Variants in TCN2 observed in about 807,000 individuals in gnomAD.
TCN2 encodes transcobalamin 2, also known as transcobalamin-2.
TCN2 carries 34 observed loss-of-function variants against 48.6 expected under a neutral mutation model. That is an observed-to-expected ratio of 0.70 (90% CI 0.53 to 0.93). The LOEUF (loss-of-function observed/expected upper bound fraction) is 0.93. TCN2 is among the 40% of genes least tolerant of loss of function. TCN2 has a pLI of 0.00. For synonymous variants in TCN2, 283 were observed against 212.5 expected (o/e 1.33, Z -2.89); for missense variants, 652 against 526.1 (o/e 1.24, Z -2.34).
rs1555896276 is a variant in TCN2 at position 30,623,921 on chromosome 22, TATATGTATACATATATACACACACAC to T, written c.1222+864_1222+889del. Among the ~76,000 whole-genome samples, 8 of 23,358 alleles carry T rather than the reference TATATGTATACATATATACACACACAC, an allele frequency of 3.4e-4. 1 individual carries two copies. The South Asian group carries it at 4.1e-3, about 12-fold the overall frequency. The allele number at this position is 23,358 out of a possible 152,430, so 15.3% of individuals were successfully genotyped here. ...ATGTATACATATATATACACACATA[TATATGTATACATATATACACACACAC>T]ATATGTATACATATATACACACACA... On this transcript the variant is annotated intron_variant, in intron 8 of 8. Coordinates refer to ENST00000215838, the MANE Select transcript of TCN2 (RefSeq NM_000355.4).
chr22:30,609,044 A>G (rs2087496854), intron 1 of TCN2, among the ~76,000 whole-genome samples: 1 of 152,152 alleles, frequency 6.6e-6, no homozygotes, highest in Middle Eastern at 3.4e-3. Context: ...GAAGGATCCC[A>G]TGACACCTGC....
In TCN2 at chr22:30,615,099, A is replaced by G. The variant is rs543011048; in HGVS notation, c.581-202A>G. On this transcript the variant is annotated intron_variant, in intron 4 of 8. Transcript: ENST00000215838. ...CCAGAAATGAGCAGTTTCCTGGGAC[A>G]CAGGATTTTCAGAGTCCAGACAAGG... is the stretch of plus-strand genomic sequence containing the variant. 3.3e-5 allele frequency among the ~76,000 whole-genome samples: 5 copies of G among 152,258 alleles called. No homozygotes were observed. The South Asian group carries it at 6.2e-4, about 19-fold the overall frequency.
chr22:30,614,359 C>T lies in TCN2; in HGVS notation c.438C>T (p.His146=), dbSNP rs2087581569. 1 of 1,614,026 alleles carries T rather than the reference C, an allele frequency of 6.2e-7. No homozygotes were observed. The highest frequency in any genetic ancestry group is 8.5e-7 in the Non-Finnish European group (1 of 1,180,018). The change falls in exon 4 of 9, where the codon CAC becomes CAT. Residue 146 remains histidine, a synonymous_variant. Transcript: ENST00000215838. ...EDEKRAIGHD[H]KGHPHTSYYQ... is the part of the protein sequence containing the mutation. Reference sequence around the variant, plus strand: ...TTTTTTCCCTCTCAGGGCATGATCACAAGGGCCACCCCCACACTAGCTACT... The same window carrying T: ...TTTTTTCCCTCTCAGGGCATGATCATAAGGGCCACCCCCACACTAGCTACT...
intron 6 of TCN2, among the ~76,000 whole-genome samples, chr22:30,616,087 A>G (rs1237526253): frequency 6.6e-6 from 1 of 151,994 alleles, no homozygotes. Flanking sequence ...GGAGAGACAC[A>G]TTTTGGTTAA....
At chr22:30,622,183 C>T (rs916641883) in intron 7 of TCN2, among the ~76,000 whole-genome samples, 3 of 152,134 alleles carry the variant, frequency 2.0e-5, no homozygotes, top group Non-Finnish European at 4.4e-5. Flanking sequence ...GATGGGGTTT[C>T]TTCATGTTGG....
At chr22:30,615,230 C>A in intron 4 of TCN2, 71 bp from the exon 5 acceptor site, 8 of 1,536,800 alleles carry the variant, frequency 5.2e-6, no homozygotes, top group Non-Finnish European at 7.2e-6. Context: ...AAGGGCCTGA[C>A]CCTCAAGCCC....
intron 3 of TCN2, 65 bp from the exon 4 acceptor site, chr22:30,614,284 G>T (rs2087579376): frequency 3.1e-6 from 5 of 1,595,840 alleles, no homozygotes; most frequent in Non-Finnish European, 4.3e-6. Context: ...AGGGTCCCAG[G>T]TGCTGGCGGG....
rs558592181 is a variant in TCN2, at chr22:30,620,226, C to T, written c.1106+2731C>T. On this transcript the variant is annotated intron_variant, in intron 7 of 8. Coordinates refer to ENST00000215838, the MANE Select transcript of TCN2 (RefSeq NM_000355.4). ...CAGCACTTTGGGAGGCCAAGGTGGG[C>T]AGATTACTTGAGGCCAGGAGTTCAA... 1.6e-4 allele frequency among the ~76,000 whole-genome samples: 24 copies of T among 152,010 alleles called. 1 individual carries two copies. The South Asian group carries it at 4.6e-3, about 29-fold the overall frequency.
At chr22:30,608,761 G>A (rs2087491313) in intron 1 of TCN2, among the ~76,000 whole-genome samples, 1 of 152,150 alleles carries the variant, frequency 6.6e-6, no homozygotes. Context: ...AGGAACCCCA[G>A]CTCTTGGTTC....
At chr22:30,609,457 T>C (rs1024007040) in intron 1 of TCN2, among the ~76,000 whole-genome samples, 2 of 152,142 alleles carry the variant, frequency 1.3e-5, no homozygotes, top group Admixed American at 6.5e-5. Flanking sequence ...AGTCTCTCCC[T>C]TTACAGCTGG....
chr22:30,609,092 T>C (rs545832510), intron 1 of TCN2, among the ~76,000 whole-genome samples: 1 of 152,064 alleles, frequency 6.6e-6, no homozygotes, highest in Non-Finnish European at 1.5e-5. Flanking sequence ...GTTGTGAAAT[T>C]GACAGGGATC....
At chr22:30,610,806 G>A (rs888032968) in intron 1 of TCN2, 65 bp from the exon 2 acceptor site, 31 of 1,584,300 alleles carry the variant, frequency 2.0e-5, no homozygotes, top group African/African-American at 5.4e-5. Flanking sequence ...CCCTGGTAAC[G>A]TCAAAGCACT....
At chr22:30,619,607 C>T (rs1267254399) in intron 7 of TCN2, among the ~76,000 whole-genome samples, 1 of 152,128 alleles carries the variant, frequency 6.6e-6, no homozygotes, top group Non-Finnish European at 1.5e-5. Context: ...GAATGCCTTC[C>T]ACCAGGTCAC....
At chr22:30,608,146 G>T (rs1301182489) in intron 1 of TCN2, among the ~76,000 whole-genome samples, 1 of 152,140 alleles carries the variant, frequency 6.6e-6, no homozygotes, top group East Asian at 1.9e-4. Flanking sequence ...GCAGGCTTTG[G>T]GAACTTTGGG....
intron 3 of TCN2, 152 bp from the exon 4 acceptor site, chr22:30,614,197 C>T (rs1772664058): frequency 9.6e-7 from 1 of 1,038,264 alleles, no homozygotes; most frequent in Non-Finnish European, 1.4e-6. Context: ...ACAGTGAGAC[C>T]TCAGCACGTA....
At chr22:30,607,892 G>A (rs953753756) in intron 1 of TCN2, among the ~76,000 whole-genome samples, 2 of 152,110 alleles carry the variant, frequency 1.3e-5, no homozygotes, top group Admixed American at 6.6e-5. Context: ...AAAAATAGCT[G>A]GGCATGGGGA....
Position 30,614,502 on chromosome 22 carries a change from G to T in TCN2, c.580+1G>T. On this transcript the variant is annotated splice_donor_variant, in intron 4 of 8. Coordinates refer to ENST00000215838, the MANE Select transcript of TCN2 (RefSeq NM_000355.4). LOFTEE classifies it high-confidence loss of function. ...TTCCACCAGGGCCACCATTCTGTGG[G>T]TGAGTAGGTCAGACCGTGCCAAGGC... The T allele has an allele frequency of 6.2e-7, 1 of 1,614,142 alleles. No individual in the cohort carries two copies. Among genetic ancestry groups the T allele is most frequent in the South Asian group, 1.1e-5 (1 of 91,088 alleles).
intron 7 of TCN2, among the ~76,000 whole-genome samples, chr22:30,619,219 CA>C (rs2087661055): frequency 6.6e-6 from 1 of 152,214 alleles, no homozygotes; most frequent in Non-Finnish European, 1.5e-5. Flanking sequence ...GAACAACAGG[CA>C]TGCGCCACCA....
rs1294138850 is a variant in TCN2 at position 30,623,973 on chromosome 22, T to TATATGTATACATATATACACACAC, written c.1222+894_1222+895insGTATACATATATACACACACATAT. ...ATATGTATACATATATACACACACA[T>TATATGTATACATATATACACACAC]ATATATGTATACATATATACACACA... On this transcript the variant is annotated intron_variant, in intron 8 of 8. Coordinates refer to ENST00000215838, the MANE Select transcript of TCN2 (RefSeq NM_000355.4). Among the ~76,000 whole-genome samples, 72 of 15,112 alleles carry TATATGTATACATATATACACACAC rather than the reference T, an allele frequency of 4.8e-3. 23 individuals carry two copies. The highest frequency in any genetic ancestry group is 0.03 in the African/African-American group (36 of 1,216). The allele number at this position is 15,112 out of a possible 152,430, so 9.9% of individuals were successfully genotyped here.
Sources: gnomAD v4.1 joint callset for allele counts (sites outside exome capture counted in the v4.1 genomes callset) on GRCh38, gnomAD v4.1.1 for gene constraint, MANE v1.5 for transcripts, NCBI Gene and HGNC (gene_info 2026-07-23, HGNC 2026-07-21) for gene names.